TG: variants seen among roughly 807,000 people sequenced by gnomAD.
TG encodes the protein thyroglobulin.
In TG, 270 loss-of-function variants were observed where a neutral mutation model predicts 324.7. The ratio of observed to expected loss-of-function variants is 0.83; its 90% CI spans 0.75 to 0.92. TG has a LOEUF of 0.92. Ranked by LOEUF, TG falls within the 40% of genes least tolerant of loss-of-function variation. TG has a pLI of 0.00. For missense variants in TG, 3,591 were observed against 3,456.4 expected, an observed-to-expected ratio of 1.04 and a Z score of -0.98; for synonymous variants, 1,401 against 1,327.0, an observed-to-expected ratio of 1.06 and a Z score of -1.21.
intron 8 of TG, among the ~76,000 whole-genome samples, chr8:132,885,927 C>A (rs1321348319): frequency 6.6e-6 from 1 of 152,172 alleles, no homozygotes; most frequent in Non-Finnish European, 1.5e-5. Flanking sequence ...CTTCACACAG[C>A]CTTCTTCCCT....
At chr8:132,991,018 T>G (rs1394846460) in intron 35 of TG, among the ~76,000 whole-genome samples, 1 of 150,304 alleles carries the variant, frequency 6.7e-6, no homozygotes, top group Admixed American at 6.6e-5. Flanking sequence ...TGAACCTTAG[T>G]GTTGTCTCGG....
chr8:132,896,070 G>A (rs538026794), intron 11 of TG, among the ~76,000 whole-genome samples: 12 of 152,376 alleles, frequency 7.9e-5, no homozygotes, highest in African/African-American at 1.4e-4. Flanking sequence ...CCTAATGAGC[G>A]TGGCGAAGGC....
intron 22 of TG, among the ~76,000 whole-genome samples, chr8:132,925,516 C>CGTGT (rs139966752): frequency 0.045 from 6,488 of 144,762 alleles, 360 homozygotes; most frequent in African/African-American, 0.13. Context: ...CTAAGGAGTG[C>CGTGT]GTGTGTGTGT....
chr8:132,907,021 C>A, intron 17 of TG, 121 bp downstream of exon 17: 1 of 1,020,502 alleles, frequency 9.8e-7, no homozygotes, highest in Non-Finnish European at 1.5e-6. Flanking sequence ...TGGTGGTATG[C>A]CAGATGGCAC....
intron 41 of TG, among the ~76,000 whole-genome samples, chr8:133,033,776 C>T (rs1310947963): frequency 1.3e-5 from 2 of 152,226 alleles, no homozygotes; most frequent in Non-Finnish European, 2.9e-5. Flanking sequence ...TCTCTTGAAA[C>T]AGAAGGAAAG....
At chr8:133,028,225 G>A (rs912534252) in intron 40 of TG, among the ~76,000 whole-genome samples, 1 of 152,194 alleles carries the variant, frequency 6.6e-6, no homozygotes. Flanking sequence ...TGACTCAGTT[G>A]GTGCCCTGCT....
At position 132,900,854 on chromosome 8, in the gene TG, G is replaced by A. The variant is rs577167388; in HGVS notation, c.3434-499G>A. 1.2e-3 allele frequency among the ~76,000 whole-genome samples: 187 copies of A among 152,344 alleles called. 1 individual carries two copies. The highest frequency in any genetic ancestry group is 2.0e-3 in the Non-Finnish European group (137 of 68,034). On this transcript the variant is annotated intron_variant, in intron 15 of 47. Transcript: ENST00000220616. Reference sequence around the variant, plus strand: ...TCTTCTCCATCAGTTGTGCTTCAGGGTGCAGTTGTGATAAATTCTGGTCAG... The same window carrying A: ...TCTTCTCCATCAGTTGTGCTTCAGGATGCAGTTGTGATAAATTCTGGTCAG...
At chr8:132,909,879 G>T (rs1819257910) in intron 18 of TG, among the ~76,000 whole-genome samples, 1 of 152,196 alleles carries the variant, frequency 6.6e-6, no homozygotes, top group Admixed American at 6.5e-5. Flanking sequence ...CTGGCTGTGG[G>T]ATCCTAGGCC....
intron 35 of TG, among the ~76,000 whole-genome samples, chr8:133,010,105 G>A (rs1834374547): frequency 6.6e-6 from 1 of 152,190 alleles, no homozygotes; most frequent in South Asian, 2.1e-4. Context: ...TGGAAAAGGT[G>A]CTCAGCTGCA....
intron 40 of TG, among the ~76,000 whole-genome samples, chr8:133,027,322 G>T (rs1478811311): frequency 6.6e-6 from 1 of 152,256 alleles, no homozygotes; most frequent in Admixed American, 6.5e-5. Flanking sequence ...GGAGAAGAGT[G>T]TTAGTGCAGG....
At chr8:133,048,428 C>T (rs1191917194) in intron 41 of TG, among the ~76,000 whole-genome samples, 3 of 152,130 alleles carry the variant, frequency 2.0e-5, no homozygotes, top group Non-Finnish European at 4.4e-5. Flanking sequence ...ACCATGTTGG[C>T]TGGGCTGGTC....
chr8:133,014,975 C>T (rs10956687), intron 37 of TG, among the ~76,000 whole-genome samples: 77,370 of 151,916 alleles, frequency 0.51, 20,771 homozygotes, highest in African/African-American at 0.67. Flanking sequence ...AACCTCTGCC[C>T]CCCGGGTTCA....
chr8:132,907,240 G>T (rs1818822854), intron 17 of TG, among the ~76,000 whole-genome samples: 1 of 152,126 alleles, frequency 6.6e-6, no homozygotes, highest in Non-Finnish European at 1.5e-5. Flanking sequence ...TGGCTCACAT[G>T]CTCAGCAGCT....
In TG at chr8:133,134,378, A is replaced by G. The variant is rs4736633; in HGVS notation, c.8189-298A>G. ...TTTTCAGATACAGAGAAATGGGAGT[A>G]GTCCGTTAAACAGGGAAGGGATCTT... On this transcript the variant is annotated intron_variant, in intron 47 of 47. Coordinates refer to ENST00000220616, the MANE Select transcript of TG (RefSeq NM_003235.5). Among the ~76,000 whole-genome samples the G allele has an allele frequency of 0.52, 79,455 of 151,988 alleles. 22,280 individuals are homozygous for G. The highest frequency in any genetic ancestry group is 0.71 in the African/African-American group (29,352 of 41,416).
At chr8:132,993,136 T>C (rs1832533108) in intron 35 of TG, among the ~76,000 whole-genome samples, 1 of 152,256 alleles carries the variant, frequency 6.6e-6, no homozygotes, top group Non-Finnish European at 1.5e-5. Context: ...GAGTAGATGC[T>C]CAATATTATT....
At position 133,038,980 on chromosome 8, in the gene TG, C is replaced by T. The variant is rs376939845; in HGVS notation, c.7239+8957C>T. Among the ~76,000 whole-genome samples, 52 of 152,274 alleles carry T rather than the reference C, an allele frequency of 3.4e-4. No individual in the cohort carries two copies. The South Asian group carries it at 8.5e-3, about 25-fold the overall frequency. ...GCAACCTCTGCCTCCCAGGCTCAAG[C>T]GATTCTCCCTCCTTAGCCTCCTGAG... is the stretch of plus-strand genomic sequence containing the variant. On this transcript the variant is annotated intron_variant, in intron 41 of 47. Transcript: ENST00000220616.
Position 132,948,103 on chromosome 8 carries a change from C to T in TG, c.5234-673C>T, listed in dbSNP as rs115872054. The stretch of plus-strand genomic sequence containing the variant: ...GTCTCTGCTTGGATATGTCCAAAGA[C>T]GAGGAGCTCACTTCCTAACAGGGAA... On this transcript the variant is annotated intron_variant, in intron 26 of 47. Transcript: ENST00000220616. Among the ~76,000 whole-genome samples, 674 of 152,262 alleles carry T rather than the reference C, an allele frequency of 4.4e-3. 4 individuals are homozygous for T. The highest frequency in any genetic ancestry group is 0.013 in the African/African-American group (539 of 41,538).
intron 10 of TG, among the ~76,000 whole-genome samples, chr8:132,889,464 A>C (rs1815913506): frequency 6.6e-6 from 1 of 152,200 alleles, no homozygotes; most frequent in African/African-American, 2.4e-5. Flanking sequence ...GTCGGGTGAA[A>C]GTACCATGTG....
chr8:132,957,762 C>CACACACACACACACAG (rs1328851398), intron 27 of TG, among the ~76,000 whole-genome samples: 11 of 132,854 alleles, frequency 8.3e-5, no homozygotes, highest in Non-Finnish European at 1.5e-4. Context: ...CACACACACA[C>CACACACACACACACAG]ACACACACAC....
Sources: gnomAD v4.1 joint callset for allele counts (sites outside exome capture counted in the v4.1 genomes callset) on GRCh38, gnomAD v4.1.1 for gene constraint, MANE v1.5 for transcripts, NCBI Gene and HGNC (gene_info 2026-07-23, HGNC 2026-07-21) for gene names.